Variants in AFF3 observed in about 807,000 individuals in gnomAD.
AFF3 encodes AF4/FMR2 family member 3.
AFF3 carries 32 observed loss-of-function variants against 129.7 expected under a neutral mutation model. The ratio of observed to expected loss-of-function variants is 0.25; its 90% CI spans 0.19 to 0.33. The LOEUF (loss-of-function observed/expected upper bound fraction) is 0.33. Among genes scored for constraint, AFF3 ranks in the 10% least tolerant of loss-of-function variants. The pLI, the probability that AFF3 is intolerant of heterozygous loss-of-function variation, is 1.00. For synonymous variants in AFF3, 644 were observed against 635.4 expected (o/e 1.01, Z -0.20); for missense variants, 1,373 against 1,592.0 (o/e 0.86, Z 2.34).
chr2:100,127,373 C>T (rs772881447), intron 2 of AFF3, among the ~76,000 whole-genome samples: 8 of 152,112 alleles, frequency 5.3e-5, no homozygotes, highest in Non-Finnish European at 7.4e-5. Context: ...AAGGTCATTC[C>T]CCTTTCATAG....
At chr2:99,686,684 A>G (rs1306703134) in intron 11 of AFF3, among the ~76,000 whole-genome samples, 1 of 152,246 alleles carries the variant, frequency 6.6e-6, no homozygotes, top group East Asian at 1.9e-4. Flanking sequence ...TAGAATTTTT[A>G]AGGTACAGCG....
chr2:99,789,427 C>A (rs1266366376), intron 8 of AFF3, among the ~76,000 whole-genome samples: 3 of 105,430 alleles, frequency 2.8e-5, no homozygotes, highest in Admixed American at 1.5e-4. Flanking sequence ...GACTAGGTAA[C>A]AGAGTGAGGC....
At chr2:99,987,300 G>A (rs750355743) in intron 7 of AFF3, among the ~76,000 whole-genome samples, 24 of 152,092 alleles carry the variant, frequency 1.6e-4, no homozygotes, top group East Asian at 3.8e-4. Flanking sequence ...ATTTATAAGC[G>A]AAAGTCATAG....
intron 4 of AFF3, among the ~76,000 whole-genome samples, chr2:100,071,460 T>G (rs1274887297): frequency 2.0e-5 from 3 of 152,116 alleles, no homozygotes; most frequent in Non-Finnish European, 2.9e-5. Context: ...GATGCCATAC[T>G]TGACAAACAC....
Position 100,031,917 on chromosome 2 carries a change from C to G in AFF3, c.54-22985G>C, listed in dbSNP as rs77521433. Reference sequence around the variant, plus strand: ...AGGAGGTGAAGCATAGCGCTGCACTCTTTAAGAATTACAGCTATATGCAAC... The same window carrying G: ...AGGAGGTGAAGCATAGCGCTGCACTGTTTAAGAATTACAGCTATATGCAAC... On this transcript the variant is annotated intron_variant, in intron 4 of 24. Transcript: ENST00000672756. 8.5e-5 allele frequency among the ~76,000 whole-genome samples: 13 copies of G among 152,288 alleles called. No individual in the cohort carries two copies. The East Asian group carries it at 2.3e-3, about 27-fold the overall frequency.
intron 8 of AFF3, among the ~76,000 whole-genome samples, chr2:99,815,474 ATGC>A (rs1375448052): frequency 5.3e-5 from 8 of 152,214 alleles, no homozygotes; most frequent in Admixed American, 3.3e-4. Flanking sequence ...CACTTACTCC[ATGC>A]TGCTGCTGCT....
At chr2:99,696,256 G>C (rs1435895468) in intron 11 of AFF3, among the ~76,000 whole-genome samples, 1 of 151,896 alleles carries the variant, frequency 6.6e-6, no homozygotes, top group Non-Finnish European at 1.5e-5. Flanking sequence ...CATTAACATA[G>C]AGCTTCATTC....
intron 7 of AFF3, among the ~76,000 whole-genome samples, chr2:99,942,672 G>T (rs1675170633): frequency 1.3e-5 from 2 of 151,912 alleles, no homozygotes. Context: ...TTAGAGGGTG[G>T]TGCTCATGGC....
intron 7 of AFF3, among the ~76,000 whole-genome samples, chr2:99,839,315 G>T (rs192742485): frequency 6.6e-6 from 1 of 151,916 alleles, no homozygotes; most frequent in African/African-American, 2.4e-5. Flanking sequence ...TCACCATCTT[G>T]GCCAGGCTGG....
rs571571898 is a variant in AFF3 at position 99,571,047 on chromosome 2, C to T, written c.2919-2132G>A. On this transcript the variant is annotated intron_variant, in intron 18 of 24. Transcript: ENST00000672756. ...CATGTGTGCAACTTGATTGCTGGTA[C>T]GTTTTTAGTAAGGACCATGCTGTAG... is the stretch of plus-strand genomic sequence containing the variant. 2.6e-4 allele frequency among the ~76,000 whole-genome samples: 40 copies of T among 152,320 alleles called. 1 individual carries two copies. Among genetic ancestry groups the T allele is most frequent in the Admixed American group, 2.1e-3 (32 of 15,298 alleles).
intron 1 of AFF3, among the ~76,000 whole-genome samples, chr2:100,133,574 G>A (rs992681549): frequency 2.0e-5 from 3 of 152,078 alleles, no homozygotes; most frequent in Non-Finnish European, 4.4e-5. Context: ...CCTCCCAGCT[G>A]GAATTACAGG....
At chr2:99,667,484 A>C (rs981334104) in intron 12 of AFF3, among the ~76,000 whole-genome samples, 3 of 152,206 alleles carry the variant, frequency 2.0e-5, no homozygotes, top group Admixed American at 1.3e-4. Flanking sequence ...TACCCAAAGC[A>C]AGCAAGAGGA....
intron 7 of AFF3, among the ~76,000 whole-genome samples, chr2:99,984,141 TA>T (rs1679646532): frequency 6.6e-6 from 1 of 152,236 alleles, no homozygotes; most frequent in Non-Finnish European, 1.5e-5. Context: ...CAACATAGTG[TA>T]AATTAAAATT....
At chr2:99,771,423 A>G (rs1683478544) in intron 8 of AFF3, among the ~76,000 whole-genome samples, 1 of 152,082 alleles carries the variant, frequency 6.6e-6, no homozygotes, top group Non-Finnish European at 1.5e-5. Flanking sequence ...GAAAAAAAAA[A>G]AAAAACCAGA....
intron 8 of AFF3, among the ~76,000 whole-genome samples, chr2:99,772,737 G>A (rs902226183): frequency 6.6e-6 from 1 of 152,160 alleles, no homozygotes; most frequent in African/African-American, 2.4e-5. Flanking sequence ...GGGAAGTTAA[G>A]GTCCTAGTCT....
intron 12 of AFF3, among the ~76,000 whole-genome samples, chr2:99,672,176 T>TCACACACACA (rs55867427): frequency 4.4e-3 from 162 of 37,154 alleles, no homozygotes; most frequent in East Asian, 0.012. Flanking sequence ...CCAGTTAGCT[T>TCACACACACA]CTCACACACA....
chr2:99,655,248 ACACACACACAC>A, intron 12 of AFF3, among the ~76,000 whole-genome samples: 1 of 151,588 alleles, frequency 6.6e-6, no homozygotes, highest in Non-Finnish European at 1.5e-5. Context: ...ACACACACAC[ACACACACACAC>A]ACACACAGCA....
Position 99,822,764 on chromosome 2 carries a change from G to T in AFF3, c.921+14713C>A, listed in dbSNP as rs112994631. ...CCGGGGCTTTATTCCCATCACAGTG[G>T]GCTCCTCATCCATACGGTAACTAGC... is the stretch of plus-strand genomic sequence containing the variant. On this transcript the variant is annotated intron_variant, in intron 8 of 24. Transcript: ENST00000672756. Among the ~76,000 whole-genome samples, 938 of 152,176 alleles carry T rather than the reference G, an allele frequency of 6.2e-3. 11 individuals carry two copies. The highest frequency in any genetic ancestry group is 0.022 in the African/African-American group (896 of 41,498).
chr2:99,746,244 C>T (rs1681147879), intron 9 of AFF3, among the ~76,000 whole-genome samples: 3 of 150,210 alleles, frequency 2.0e-5, no homozygotes, highest in Admixed American at 2.0e-4. Flanking sequence ...GCACATGGAA[C>T]AAAAATCCAT....
Sources: gnomAD v4.1 joint callset for allele counts (sites outside exome capture counted in the v4.1 genomes callset) on GRCh38, gnomAD v4.1.1 for gene constraint, MANE v1.5 for transcripts, NCBI Gene and HGNC (gene_info 2026-07-23, HGNC 2026-07-21) for gene names.